The following DCC variants were observed in gnomAD, a reference collection of about 807,000 sequenced individuals.
The protein encoded by DCC is netrin receptor DCC.
Under a neutral mutation model 172.5 loss-of-function variants are expected in DCC, and 58 were observed. The ratio of observed to expected loss-of-function variants is 0.34; its 90% confidence interval spans 0.27 to 0.42. DCC has a LOEUF of 0.42. DCC is among the 10% of genes least tolerant of loss of function. The pLI is 1.00. For synonymous variants in DCC, 709 were observed against 644.5 expected (o/e 1.10, Z -1.52); for missense variants, 1,740 against 1,791.0 (o/e 0.97, Z 0.51).
chr18:53,167,055 C>T (rs183323330), intron 8 of DCC, among the ~76,000 whole-genome samples: 69 of 152,220 alleles, frequency 4.5e-4, no homozygotes, highest in African/African-American at 1.6e-3. Flanking sequence ...AAAAATCTTT[C>T]CACTAAGAAT....
intron 3 of DCC, among the ~76,000 whole-genome samples, chr18:52,919,889 T>A (rs574731912): frequency 1.3e-5 from 2 of 151,946 alleles, no homozygotes; most frequent in South Asian, 4.2e-4. Flanking sequence ...AATAGATCCA[T>A]GGAACAGAGG....
intron 15 of DCC, among the ~76,000 whole-genome samples, chr18:53,352,995 A>T (rs941506686): frequency 2.0e-5 from 3 of 152,192 alleles, no homozygotes; most frequent in Non-Finnish European, 4.4e-5. Flanking sequence ...ATACCACTTA[A>T]TAATACATGG....
intron 5 of DCC, among the ~76,000 whole-genome samples, chr18:53,033,396 C>A (rs1044018183): frequency 6.6e-6 from 1 of 152,136 alleles, no homozygotes; most frequent in African/African-American, 2.4e-5. Flanking sequence ...GTGACTCTTT[C>A]GCAATGTTTC....
intron 1 of DCC, among the ~76,000 whole-genome samples, chr18:52,364,337 T>C (rs1359342069): frequency 1.3e-5 from 2 of 151,686 alleles, no homozygotes; most frequent in Admixed American, 1.3e-4. Flanking sequence ...TTTAAACAGG[T>C]ATATAAGAAA....
At chr18:52,967,236 A>G (rs1209650861) in intron 5 of DCC, among the ~76,000 whole-genome samples, 3 of 152,008 alleles carry the variant, frequency 2.0e-5, no homozygotes, top group Non-Finnish European at 4.4e-5. Flanking sequence ...TATAAGTCCT[A>G]TTGTTTTACT....
chr18:52,511,370 G>A (rs1027334181), intron 1 of DCC, among the ~76,000 whole-genome samples: 3 of 152,024 alleles, frequency 2.0e-5, no homozygotes, highest in African/African-American at 7.3e-5. Context: ...AAAGCTCTGG[G>A]AAATAATTTG....
chr18:52,923,395 A>G (rs1198577714), intron 3 of DCC, among the ~76,000 whole-genome samples: 1 of 152,198 alleles, frequency 6.6e-6, no homozygotes, highest in Non-Finnish European at 1.5e-5. Context: ...AATAACATTT[A>G]GAAAAGCTAT....
intron 24 of DCC, among the ~76,000 whole-genome samples, chr18:53,461,648 T>C (rs2045560887): frequency 6.6e-6 from 1 of 152,314 alleles, no homozygotes; most frequent in South Asian, 2.1e-4. Context: ...TGTTGCTGTT[T>C]TACTGTACTC....
chr18:52,890,442 G>A (rs1006098792), intron 2 of DCC, among the ~76,000 whole-genome samples: 1 of 152,076 alleles, frequency 6.6e-6, no homozygotes, highest in Admixed American at 6.6e-5. Context: ...CCTAGTAAAT[G>A]ATTTCATAAA....
chr18:52,415,208 T>G (rs992380226), intron 1 of DCC, among the ~76,000 whole-genome samples: 1 of 152,218 alleles, frequency 6.6e-6, no homozygotes, highest in African/African-American at 2.4e-5. Flanking sequence ...CCTTTTCATA[T>G]ATTTTTTCAA....
chr18:52,455,971 G>GAAAC (rs1018316827), intron 1 of DCC, among the ~76,000 whole-genome samples: 6 of 152,110 alleles, frequency 3.9e-5, no homozygotes, highest in African/African-American at 1.4e-4. Flanking sequence ...GTTGAAATAT[G>GAAAC]AAACAAACAA....
At chr18:53,068,795 G>GTATGTGTGTGTGTGTGTT (rs1555704899) in intron 7 of DCC, among the ~76,000 whole-genome samples, 2 of 150,892 alleles carry the variant, frequency 1.3e-5, no homozygotes, top group African/African-American at 2.5e-5. Flanking sequence ...GTGTGTGTGT[G>GTATGTGTGTGTGTGTGTT]TGTATGTGTA....
chr18:53,106,610 G>C (rs527538538), intron 7 of DCC, among the ~76,000 whole-genome samples: 3 of 151,996 alleles, frequency 2.0e-5, no homozygotes, highest in Non-Finnish European at 4.4e-5. Flanking sequence ...TCCTCATTTT[G>C]TTACTGGAAA....
chr18:53,070,107 G>A (rs1240436886), intron 7 of DCC, among the ~76,000 whole-genome samples: 1 of 151,986 alleles, frequency 6.6e-6, no homozygotes, highest in Non-Finnish European at 1.5e-5. Context: ...AGCCTCCTGA[G>A]TAGCTGGGAT....
At position 52,511,737 on chromosome 18, in the gene DCC, C is replaced by T. The variant is rs77573957; in HGVS notation, c.91+170859C>T. Among the ~76,000 whole-genome samples the T allele has an allele frequency of 5.7e-3, 870 of 152,254 alleles. 13 individuals carry two copies. Among genetic ancestry groups the T allele is most frequent in the African/African-American group, 0.02 (842 of 41,546 alleles). ...TTTTAATCTCACAACATTTTAATCC[C>T]ACATACAAATAGACTGAAGCTCACA... On this transcript the variant is annotated intron_variant, in intron 1 of 28. Coordinates refer to ENST00000442544, the MANE Select transcript of DCC (RefSeq NM_005215.4).
chr18:52,934,731 A>G (rs546696178), intron 5 of DCC: 1 of 152,244 alleles, frequency 6.6e-6, no homozygotes, highest in Admixed American at 6.6e-5. Context: ...TGATGTCATA[A>G]TGAGGGGATG....
chr18:52,604,901 T>C (rs1484724586), intron 1 of DCC, among the ~76,000 whole-genome samples: 2 of 152,116 alleles, frequency 1.3e-5, no homozygotes, highest in Non-Finnish European at 2.9e-5. Context: ...GTATTCCCAG[T>C]TGGTATGCTT....
At chr18:53,497,884 T>G (rs1435311682) in intron 26 of DCC, among the ~76,000 whole-genome samples, 5 of 152,216 alleles carry the variant, frequency 3.3e-5, no homozygotes, top group Non-Finnish European at 7.3e-5. Flanking sequence ...TTCAAACTCC[T>G]TGGGATTCTC....
chr18:53,182,074 C>G (rs2055206433), intron 9 of DCC, among the ~76,000 whole-genome samples: 1 of 152,176 alleles, frequency 6.6e-6, no homozygotes, highest in South Asian at 2.1e-4. Flanking sequence ...ACCCAAGTCT[C>G]TATAAGCATT....
Sources: allele counts gnomAD v4.1 joint callset (sites outside exome capture counted in the v4.1 genomes callset), GRCh38; gene constraint gnomAD v4.1.1; transcripts MANE v1.5; gene names NCBI Gene and HGNC (gene_info 2026-07-23, HGNC 2026-07-21).